Variants in CSMD1 observed in about 807,000 individuals in gnomAD.
CSMD1 encodes CUB and sushi domain-containing protein 1.
A neutral mutation model predicts 417.5 loss-of-function variants in CSMD1; 213 were observed. That is an observed-to-expected ratio of 0.51 (90% CI 0.46 to 0.57). The LOEUF (loss-of-function observed/expected upper bound fraction) is 0.57. CSMD1 is among the 20% of genes least tolerant of loss of function. The pLI, the probability that CSMD1 is intolerant of heterozygous loss-of-function variation, is 0.00. For missense variants in CSMD1, 6,923 were observed against 4,529.7 expected, an observed-to-expected ratio of 1.53 and a Z score of -15.17; for synonymous variants, 2,862 against 1,736.8, an observed-to-expected ratio of 1.65 and a Z score of -16.11.
chr8:4,237,534 CTT>C (rs11433104), intron 3 of CSMD1, among the ~76,000 whole-genome samples: 34 of 149,310 alleles, frequency 2.3e-4, no homozygotes, highest in South Asian at 8.5e-4. Context: ...GTCAATACTA[CTT>C]TTTTTTTTTT....
At chr8:3,679,589 G>A (rs953510040) in intron 7 of CSMD1, among the ~76,000 whole-genome samples, 3 of 152,128 alleles carry the variant, frequency 2.0e-5, no homozygotes, top group East Asian at 1.9e-4. Context: ...AATAATGGGA[G>A]TCTTTAACAC....
At chr8:4,426,660 A>G (rs1797576727) in intron 2 of CSMD1, among the ~76,000 whole-genome samples, 1 of 147,006 alleles carries the variant, frequency 6.8e-6, no homozygotes, top group African/African-American at 2.5e-5. Context: ...CATATTTTAT[A>G]GTAATATTTT....
rs1268831887 is a variant in CSMD1 at position 3,700,980 on chromosome 8, G to A, written c.1009+7434C>T. Among the ~76,000 whole-genome samples, 8 of 151,614 alleles carry A rather than the reference G, an allele frequency of 5.3e-5. No individual in the cohort carries two copies. The East Asian group carries it at 1.4e-3, about 26-fold the overall frequency. The stretch of plus-strand genomic sequence containing the variant: ...GGCTGAGGATGACATGATGATACAG[G>A]TGAGGGGCGACGGTGGTTTGGGGGT... On this transcript the variant is annotated intron_variant, in intron 7 of 69. Coordinates refer to ENST00000635120, the MANE Select transcript of CSMD1 (RefSeq NM_033225.6).
intron 3 of CSMD1, among the ~76,000 whole-genome samples, chr8:4,253,944 T>C (rs1465957485): frequency 1.4e-5 from 2 of 139,670 alleles, no homozygotes; most frequent in Non-Finnish European, 3.0e-5. Context: ...TGAGATGGAG[T>C]CTTGCTCTAG....
chr8:3,186,051 G>C (rs1337286329), intron 36 of CSMD1, among the ~76,000 whole-genome samples: 2 of 149,254 alleles, frequency 1.3e-5, no homozygotes, highest in Non-Finnish European at 3.0e-5. Context: ...AAAAAAAAAA[G>C]TGTGACTTTT....
intron 49 of CSMD1, among the ~76,000 whole-genome samples, chr8:3,074,388 G>A (rs1226772790): frequency 4.6e-5 from 7 of 152,086 alleles, no homozygotes; most frequent in African/African-American, 7.2e-5. Flanking sequence ...AGGGTCCACC[G>A]CACCCCCAGG....
At chr8:4,118,851 A>C (rs536402926) in intron 3 of CSMD1, among the ~76,000 whole-genome samples, 1 of 152,354 alleles carries the variant, frequency 6.6e-6, no homozygotes, top group Non-Finnish European at 1.5e-5. Flanking sequence ...CCAAATGCTC[A>C]ACAATGTTAG....
intron 25 of CSMD1, among the ~76,000 whole-genome samples, chr8:3,301,300 G>A (rs981753655): frequency 6.6e-6 from 1 of 152,124 alleles, no homozygotes; most frequent in Non-Finnish European, 1.5e-5. Flanking sequence ...CCCAGCGAAG[G>A]AACCAGGTGG....
At chr8:4,178,981 T>G (rs1424055890) in intron 3 of CSMD1, among the ~76,000 whole-genome samples, 1 of 152,028 alleles carries the variant, frequency 6.6e-6, no homozygotes, top group East Asian at 1.9e-4. Flanking sequence ...AGAATCAATA[T>G]CGTGAAAATG....
intron 2 of CSMD1, among the ~76,000 whole-genome samples, chr8:4,424,940 T>G (rs1486295124): frequency 2.0e-5 from 3 of 152,112 alleles, no homozygotes; most frequent in Admixed American, 1.3e-4. Context: ...AGGTTGAGAC[T>G]GAGAGGTACT....
chr8:4,304,364 T>G (rs13252501), intron 3 of CSMD1, among the ~76,000 whole-genome samples: 1 of 151,586 alleles, frequency 6.6e-6, no homozygotes, highest in African/African-American at 2.4e-5. Flanking sequence ...CATTTGATTA[T>G]CAAAGTGAGC....
intron 3 of CSMD1, among the ~76,000 whole-genome samples, chr8:4,411,871 C>A (rs751910769): frequency 4.0e-5 from 6 of 151,770 alleles, no homozygotes; most frequent in Non-Finnish European, 7.4e-5. Context: ...CATTTTTTTT[C>A]ACTTTAATGT....
chr8:3,183,209 G>A (rs1204642787), intron 36 of CSMD1: 4 of 98,140 alleles, frequency 4.1e-5, no homozygotes, highest in African/African-American at 1.3e-4. Flanking sequence ...CTGAAATATC[G>A]AGTAGGTCTC....
intron 1 of CSMD1, among the ~76,000 whole-genome samples, chr8:4,807,870 A>G (rs575944018): frequency 6.6e-6 from 1 of 152,276 alleles, no homozygotes; most frequent in East Asian, 1.9e-4. Flanking sequence ...TAGTAAGAGG[A>G]GGAGTATATT....
chr8:2,940,297 G>C (rs186329238), intron 69 of CSMD1, among the ~76,000 whole-genome samples: 121 of 152,264 alleles, frequency 7.9e-4, no homozygotes, highest in African/African-American at 2.8e-3. Flanking sequence ...CAGAAGTAGA[G>C]AACTAAAAGA....
chr8:4,321,811 T>C (rs922437703), intron 3 of CSMD1, among the ~76,000 whole-genome samples: 1 of 152,182 alleles, frequency 6.6e-6, no homozygotes, highest in African/African-American at 2.4e-5. Context: ...AAGTACTAAA[T>C]ATCTTTTTTG....
At chr8:3,089,757 T>TCC (rs1814805235) in intron 48 of CSMD1, among the ~76,000 whole-genome samples, 1 of 151,820 alleles carries the variant, frequency 6.6e-6, no homozygotes, top group African/African-American at 2.4e-5. Flanking sequence ...TCTCTTTCTC[T>TCC]CTCTCTCTCC....
intron 2 of CSMD1, among the ~76,000 whole-genome samples, chr8:4,560,571 C>G (rs1348084232): frequency 6.6e-6 from 1 of 152,222 alleles, no homozygotes; most frequent in Non-Finnish European, 1.5e-5. Context: ...AGCTAAAACA[C>G]TGTGCTGGAG....
intron 36 of CSMD1, among the ~76,000 whole-genome samples, chr8:3,182,698 T>C: frequency 1.5e-5 from 2 of 130,588 alleles, no homozygotes; most frequent in South Asian, 4.9e-4. Flanking sequence ...TGTGTGTATG[T>C]GTGTGTATTG....
Sources: gnomAD v4.1 joint callset for allele counts (sites outside exome capture counted in the v4.1 genomes callset) on GRCh38, gnomAD v4.1.1 for gene constraint, MANE v1.5 for transcripts, NCBI Gene and HGNC (gene_info 2026-07-23, HGNC 2026-07-21) for gene names.